ZNF208: variants seen among roughly 807,000 people sequenced by gnomAD.
The protein encoded by ZNF208 is zinc finger protein 208.
A neutral mutation model predicts 12.1 loss-of-function variants in ZNF208; 10 were observed. That is an observed-to-expected ratio of 0.83 (90% CI 0.51 to 1.40). The LOEUF is 1.40. ZNF208 is among the 40% of genes most tolerant of loss of function. ZNF208 has a pLI of 0.00. For synonymous variants in ZNF208, 497 were observed against 488.4 expected (o/e 1.02, Z -0.23); for missense variants, 1,652 against 1,485.0 (o/e 1.11, Z -1.85).
At chr19:21,957,963 CT>C (rs1372673502) in intron 4 of ZNF208, among the ~76,000 whole-genome samples, 2 of 152,002 alleles carry the variant, frequency 1.3e-5, no homozygotes, top group African/African-American at 4.8e-5. Context: ...TTAGGTATAT[CT>C]CCTAAAGCTA....
chr19:21,995,073 T>C (rs2145574713), intron 1 of ZNF208, among the ~76,000 whole-genome samples: 1 of 151,348 alleles, frequency 6.6e-6, no homozygotes, highest in East Asian at 2.0e-4. Context: ...TGCCTCAGCC[T>C]CCCAAGTAGC....
At chr19:21,943,834 A>T (rs986890199) in intron 4 of ZNF208, among the ~76,000 whole-genome samples, 1 of 152,218 alleles carries the variant, frequency 6.6e-6, no homozygotes, top group African/African-American at 2.4e-5. Context: ...CTCTGGAATT[A>T]TACACAGTTG....
chr19:21,952,584 T>C (rs1969907187), intron 4 of ZNF208, among the ~76,000 whole-genome samples: 1 of 152,178 alleles, frequency 6.6e-6, no homozygotes. Flanking sequence ...CTGAGAGACC[T>C]GTTAGAAAGA....
downstream of ZNF208, among the ~76,000 whole-genome samples, chr19:21,962,007 G>A (rs1169979208): frequency 6.6e-6 from 1 of 152,108 alleles, no homozygotes; most frequent in African/African-American, 2.4e-5. Context: ...AAGTAAGACA[G>A]GTGAAAGAAA....
Position 21,973,764 on chromosome 19 carries a change from G to T in ZNF208, c.1270C>A (p.Pro424Thr), listed in dbSNP as rs531150936. ...TTGCCACATTCTTCACATTTGTAGGGTTTCTCTCCAGTATGAATGACCTCA... is the reference window on the plus strand; with the variant it reads ...TTGCCACATTCTTCACATTTGTAGGTTTTCTCTCCAGTATGAATGACCTCA... ...KHEVIHTGEK[P>T]YKCEECGKAF... Residue 424 changes from proline (P) to threonine (T), a missense_variant, in exon 4 of 4, where the codon CCC (proline) becomes ACC (threonine). This residue lies in a region of ZNF208 where 1,239 missense variants were observed against 1,086.2 expected (regional missense o/e 1.14). Transcript: ENST00000397126. 521 of 1,605,866 alleles carry T rather than the reference G, an allele frequency of 3.2e-4. No individual in the cohort carries two copies. The highest frequency in any genetic ancestry group is 2.0e-3 in the Middle Eastern group (12 of 6,040).
intron 4 of ZNF208, among the ~76,000 whole-genome samples, chr19:21,957,995 C>T (rs1351920001): frequency 1.3e-5 from 2 of 152,082 alleles, no homozygotes; most frequent in East Asian, 3.9e-4. Flanking sequence ...TTCCCACCAC[C>T]CCATAACAGC....
At chr19:21,984,413 C>A (rs1162448028) in intron 3 of ZNF208, among the ~76,000 whole-genome samples, 1 of 151,934 alleles carries the variant, frequency 6.6e-6, no homozygotes, top group East Asian at 1.9e-4. Context: ...ACTAGTGAGG[C>A]TTGGTGGCAC....
intron 1 of ZNF208, among the ~76,000 whole-genome samples, chr19:21,993,301 C>T (rs1416889841): frequency 6.6e-6 from 1 of 152,044 alleles, no homozygotes; most frequent in East Asian, 1.9e-4. Context: ...GGTTCTTGGA[C>T]CACCCTTTAA....
At chr19:22,005,343 G>A (rs2145586601) in intron 1 of ZNF208, among the ~76,000 whole-genome samples, 1 of 152,278 alleles carries the variant, frequency 6.6e-6, no homozygotes, top group Middle Eastern at 3.4e-3. Flanking sequence ...CTGTCACCCT[G>A]GGAGGAGATC....
chr19:21,989,854 T>A (rs562138215), intron 1 of ZNF208, among the ~76,000 whole-genome samples: 1 of 152,264 alleles, frequency 6.6e-6, no homozygotes, highest in East Asian at 1.9e-4. Context: ...CATTTTTTCA[T>A]GTGTTTTTTG....
chr19:21,995,115 C>A (rs1460499427), intron 1 of ZNF208, among the ~76,000 whole-genome samples: 4 of 152,016 alleles, frequency 2.6e-5, no homozygotes, highest in Non-Finnish European at 5.9e-5. Flanking sequence ...CCACACCCAG[C>A]TAATTTGGGT....
chr19:21,951,403 TAAG>T (rs1321823047), intron 4 of ZNF208, among the ~76,000 whole-genome samples: 21 of 152,330 alleles, frequency 1.4e-4, no homozygotes, highest in East Asian at 3.9e-4. Context: ...TAAAAAATTA[TAAG>T]AAGGCATAAA....
chr19:21,971,207 G>C lies in ZNF208; in HGVS notation c.3827C>G (p.Thr1276Ser). 1 of 1,611,852 alleles carries C rather than the reference G, an allele frequency of 6.2e-7. No homozygotes were observed. The highest frequency in any genetic ancestry group is 8.5e-7 in the Non-Finnish European group (1 of 1,179,590). The change falls in exon 4 of 4, where the codon ACT becomes AGT. Residue 1276 changes from threonine (T) to serine (S), a missense_variant. Coordinates refer to ENST00000397126, the MANE Select transcript of ZNF208 (RefSeq NM_007153.3). The part of the protein sequence containing the change: ...SVFSKHKKIH[T>S]GEKL Reference sequence around the variant, plus strand: ...TTCACATTTCTAGAGTTTCTCTCCAGTATGAATTTTCTTATGTTTACTGAA... The same window carrying C: ...TTCACATTTCTAGAGTTTCTCTCCACTATGAATTTTCTTATGTTTACTGAA...
Position 21,953,419 on chromosome 19 carries a change from A to G in ZNF208, c.306-20182T>C, listed in dbSNP as rs543558793. 2.0e-5 allele frequency among the ~76,000 whole-genome samples: 3 copies of G among 148,724 alleles called. No homozygotes were observed. The East Asian group carries it at 6.0e-4, about 30-fold the overall frequency. ...AATGTTACGGGTAGCCAGAAAGGTCAGGTTACCCCCAAAAGGAAGTCCATC... is the reference window on the plus strand; with the variant it reads ...AATGTTACGGGTAGCCAGAAAGGTCGGGTTACCCCCAAAAGGAAGTCCATC... On this transcript the variant is annotated intron_variant, in intron 4 of 4. Transcript: ENST00000599916.
chr19:21,981,610 T>A (rs1373863536), intron 3 of ZNF208, among the ~76,000 whole-genome samples: 1 of 152,170 alleles, frequency 6.6e-6, no homozygotes, highest in African/African-American at 2.4e-5. Context: ...TCATACTGAA[T>A]GGTCAAAAAC....
In ZNF208 at chr19:21,974,118, T is replaced by C. The variant is rs771065393; in HGVS notation, c.916A>G (p.Ile306Val). ...KVSTLTTHKA[I>V]HAGEKPYKCK... ...TTGTAGGGCTTCTCTCCAGCATGAA[T>C]TGCCTTATGTGTAGTAAGAGTCGAG... The change falls in exon 4 of 4, where the codon ATT becomes GTT. Residue 306 changes from isoleucine (I) to valine (V), a missense_variant. By Grantham distance (29) the Ile-to-Val change is conservative. Transcript: ENST00000397126. The C allele has an allele frequency of 1.3e-6, 2 of 1,594,592 alleles. No individual in the cohort carries two copies. The highest frequency in any genetic ancestry group is 1.7e-6 in the Non-Finnish European group (2 of 1,169,734).
chr19:21,962,382 T>C (rs1233087067), downstream of ZNF208, among the ~76,000 whole-genome samples: 1 of 152,178 alleles, frequency 6.6e-6, no homozygotes. Context: ...TACTAGGAGC[T>C]ATACTTAATT....
intron 1 of ZNF208, among the ~76,000 whole-genome samples, chr19:21,995,670 G>A (rs1488424366): frequency 1.3e-5 from 2 of 152,090 alleles, no homozygotes; most frequent in African/African-American, 2.4e-5. Context: ...CTAGCTGTTG[G>A]GTAAGTAGAA....
At chr19:22,008,003 T>TAAAAA (rs139821713) in intron 1 of ZNF208, among the ~76,000 whole-genome samples, 6 of 99,146 alleles carry the variant, frequency 6.1e-5, no homozygotes, top group African/African-American at 1.2e-4. Flanking sequence ...AGCACTGTCT[T>TAAAAA]AAAAAAAAAA....
Sources: gnomAD v4.1 joint callset for allele counts (sites outside exome capture counted in the v4.1 genomes callset) on GRCh38, gnomAD v4.1.1 for gene constraint, gnomAD v4.1.1 regional missense constraint, MANE v1.5 for transcripts, NCBI Gene and HGNC (gene_info 2026-07-23, HGNC 2026-07-21) for gene names.